The following SYNJ2 variants were observed in gnomAD, a reference collection of about 807,000 sequenced individuals.
The protein encoded by SYNJ2 is polyphosphatidylinositol phosphatase SYNJ2.
A neutral mutation model predicts 141.3 loss-of-function variants in SYNJ2; 116 were observed. The observed-to-expected ratio is 0.82, with a 90% CI of 0.71 to 0.96. The LOEUF is 0.96. SYNJ2 is among the 40% of genes least tolerant of loss of function. SYNJ2 has a pLI of 0.00. For synonymous variants in SYNJ2, 745 were observed against 777.7 expected (o/e 0.96, Z 0.70); for missense variants, 1,873 against 1,934.8 (o/e 0.97, Z 0.60).
In SYNJ2 at chr6:158,071,895, G is replaced by A; in HGVS notation, c.2133+101G>A. On this transcript the variant is annotated intron_variant, in intron 15 of 26. Transcript: ENST00000355585. This position sits in a 1 kb window ranked among gnomAD's most constrained non-coding sequence, Gnocchi z 4.3. ...GCACTGGGGACACAACCACAGGGAG[G>A]GCCCCTTCCTGGAGGGCTCAGCGCT... 7.3e-7 allele frequency: 1 copy of A among 1,378,764 alleles called. No homozygotes were observed. The highest frequency in any genetic ancestry group is 2.4e-5 in the East Asian group (1 of 41,510). The allele number at this position is 1,378,764 out of a possible 1,614,324, so 85.4% of individuals were successfully genotyped here.
chr6:158,043,176 G>A lies in SYNJ2; in HGVS notation c.712-140G>A. On this transcript the variant is annotated intron_variant, in intron 4 of 26. Coordinates refer to ENST00000355585, the MANE Select transcript of SYNJ2 (RefSeq NM_003898.4). This position sits in a 1 kb window ranked among gnomAD's most constrained non-coding sequence, Gnocchi z 4.0. ...GGTCAGGGCGCATTGCCGGATGGGGGAGCAGAGGACGCCGGAGTCCACCGT... is the reference window on the plus strand; with the variant it reads ...GGTCAGGGCGCATTGCCGGATGGGGAAGCAGAGGACGCCGGAGTCCACCGT... 1 of 669,474 alleles carries A rather than the reference G, an allele frequency of 1.5e-6. No individual in the cohort carries two copies. Among genetic ancestry groups the A allele is most frequent in the Non-Finnish European group, 2.6e-6 (1 of 384,528 alleles). 41.5% of individuals were successfully genotyped at this position (669,474 alleles called of 1,614,324 possible).
chr6:158,020,403 C>CCCCACCT (rs1554234073), intron 2 of SYNJ2, among the ~76,000 whole-genome samples: 1 of 146,916 alleles, frequency 6.8e-6, no homozygotes, highest in Admixed American at 6.7e-5. Context: ...TGACTTCAAC[C>CCCCACCT]GTGTGACCCC....
Position 158,070,652 on chromosome 6 carries a change from C to A in SYNJ2, c.1941-950C>A. 1 of 296,496 alleles carries A rather than the reference C, an allele frequency of 3.4e-6. No homozygotes were observed. Among genetic ancestry groups the A allele is most frequent in the Non-Finnish European group, 5.0e-6 (1 of 200,204 alleles). The allele number at this position is 296,496 out of a possible 1,614,324, so 18.4% of individuals were successfully genotyped here. On this transcript the variant is annotated intron_variant, in intron 14 of 26. Coordinates refer to ENST00000355585, the MANE Select transcript of SYNJ2 (RefSeq NM_003898.4). This position sits in a 1 kb window ranked among gnomAD's most constrained non-coding sequence, Gnocchi z 4.0. ...AGCCCTGAGCTGCTTCCGCCTACACCCCTTCCATCAGTCATCCCCCCAACC... is the reference window on the plus strand; with the variant it reads ...AGCCCTGAGCTGCTTCCGCCTACACACCTTCCATCAGTCATCCCCCCAACC...
intron 2 of SYNJ2, among the ~76,000 whole-genome samples, chr6:158,026,706 T>A (rs1289502713): frequency 6.6e-6 from 1 of 152,134 alleles, no homozygotes; most frequent in Non-Finnish European, 1.5e-5. Context: ...AGAAATCAGC[T>A]CATGACTCTC....
intron 25 of SYNJ2, among the ~76,000 whole-genome samples, chr6:158,091,859 C>G (rs1037634154): frequency 1.3e-5 from 2 of 151,932 alleles, no homozygotes; most frequent in African/African-American, 4.8e-5. Context: ...CATAGTGTAC[C>G]ATCCCCTTTT....
rs139026643 is a variant in SYNJ2 at position 158,066,532 on chromosome 6, C to A, written c.1614C>A (p.Asn538Lys). The change falls in exon 12 of 27, where the codon AAC (asparagine) becomes AAA (lysine). Residue 538 changes from asparagine to lysine, a missense_variant. Coordinates refer to ENST00000355585, the MANE Select transcript of SYNJ2 (RefSeq NM_003898.4). ...TCCGGATTGCTATGGGGACCTGGAA[C>A]GTGAACGGAGGAAAGCAGTTCCGGA... is the stretch of plus-strand genomic sequence containing the variant. ...KRIRIAMGTW[N>K]VNGGKQFRSN... 9.3e-6 allele frequency: 15 copies of A among 1,614,060 alleles called. No individual in the cohort carries two copies. Among genetic ancestry groups the A allele is most frequent in the Admixed American group, 3.3e-5 (2 of 59,996 alleles).
At position 158,064,889 on chromosome 6, in the gene SYNJ2, G is replaced by T. The variant is rs758232865; in HGVS notation, c.1423G>T (p.Gly475Trp). 6.2e-7 allele frequency: 1 copy of T among 1,613,784 alleles called. No homozygotes were observed. The highest frequency in any genetic ancestry group is 8.5e-7 in the Non-Finnish European group (1 of 1,179,886). ...SRTIQSNFFD[G>W]VKQEAIKLLL... ...AACCATCCAGTCCAACTTCTTCGAC[G>T]GGGTGAAGCAGGAGGCCATCAAGCT... Residue 475 changes from glycine to tryptophan, a missense_variant, in exon 11 of 27, where the codon GGG becomes TGG. Gly to Trp is a radical substitution (Grantham distance 184). Coordinates refer to ENST00000355585, the MANE Select transcript of SYNJ2 (RefSeq NM_003898.4).
chr6:158,064,759 C>A lies in SYNJ2; in HGVS notation c.1359+9C>A, dbSNP rs1781452817. The A allele has an allele frequency of 6.2e-7, 1 of 1,613,170 alleles. No individual in the cohort carries two copies. Among genetic ancestry groups the A allele is most frequent in the Non-Finnish European group, 8.5e-7 (1 of 1,179,750 alleles). On this transcript the variant is annotated intron_variant, in intron 10 of 26. Coordinates refer to ENST00000355585, the MANE Select transcript of SYNJ2 (RefSeq NM_003898.4). Reference sequence around the variant, plus strand: ...TGGAAGGGAAGGCCAAGGTAGGGCCCCGCCGAGGGGGCAGGGTGGGGGCCC... The same window carrying A: ...TGGAAGGGAAGGCCAAGGTAGGGCCACGCCGAGGGGGCAGGGTGGGGGCCC...
intron 20 of SYNJ2, among the ~76,000 whole-genome samples, chr6:158,081,801 T>C (rs1237203627): frequency 2.6e-5 from 4 of 151,644 alleles, no homozygotes; most frequent in African/African-American, 9.7e-5. Flanking sequence ...TTTTTTAAAT[T>C]TTGTAGAGAG....
At position 158,017,705 on chromosome 6, in the gene SYNJ2, G is replaced by A. The variant is rs368125431; in HGVS notation, c.214+415G>A. On this transcript the variant is annotated intron_variant, in intron 2 of 26. Transcript: ENST00000355585. Reference sequence around the variant, plus strand: ...GCTGGGATTACAGCCATGAGCCGCCGTGCCTGGCCGACCTCTCTTCTCTTT... The same window carrying A: ...GCTGGGATTACAGCCATGAGCCGCCATGCCTGGCCGACCTCTCTTCTCTTT... 4.2e-5 allele frequency: 22 copies of A among 520,686 alleles called. 1 individual carries two copies. The East Asian group carries it at 6.2e-4, about 15-fold the overall frequency. The allele number at this position is 520,686 out of a possible 1,614,324, so 32.3% of individuals were successfully genotyped here. A position where few individuals can be genotyped will look rare whatever the true frequency, so the allele number is the denominator to read the frequency against.
chr6:158,004,793 A>G (rs968546085), intron 1 of SYNJ2, among the ~76,000 whole-genome samples: 3 of 151,898 alleles, frequency 2.0e-5, no homozygotes, highest in African/African-American at 4.8e-5. Flanking sequence ...TGCGTCCCTC[A>G]CTGCCCCTCG....
rs781414414 is a variant in SYNJ2 at position 158,043,293 on chromosome 6, C to T, written c.712-23C>T. 2.5e-6 allele frequency: 4 copies of T among 1,610,186 alleles called. No individual in the cohort carries two copies. In the African/African-American group the frequency reaches 5.3e-5, roughly 22 times the overall value. ...CGGTTTCATTGAAGAATACCTTTCCCTTTCTGTTTCCTTGTGCCGCAGATG... is the reference window on the plus strand; with the variant it reads ...CGGTTTCATTGAAGAATACCTTTCCTTTTCTGTTTCCTTGTGCCGCAGATG... On this transcript the variant is annotated intron_variant, in intron 4 of 26. Coordinates refer to ENST00000355585, the MANE Select transcript of SYNJ2 (RefSeq NM_003898.4). This position sits in a 1 kb window ranked among gnomAD's most constrained non-coding sequence, Gnocchi z 4.0.
At chr6:158,058,945 C>G (rs1781035495) in intron 6 of SYNJ2, among the ~76,000 whole-genome samples, 2 of 152,192 alleles carry the variant, frequency 1.3e-5, no homozygotes, top group African/African-American at 2.4e-5. Flanking sequence ...AAACAAAATT[C>G]TCTTGATGAA....
rs776126145 is a variant in SYNJ2 at position 158,069,710 on chromosome 6, G to A, written c.1940+37G>A. The A allele has an allele frequency of 1.9e-6, 3 of 1,564,766 alleles. No individual in the cohort carries two copies. In the Admixed American group the frequency reaches 5.3e-5, roughly 28 times the overall value. On this transcript the variant is annotated intron_variant, in intron 14 of 26. Transcript: ENST00000355585. ...CTGTTTACACACATCTGGGGAACAA[G>A]GGGTTGTTAGTCTTTGTGTTTTGTT...
At chr6:158,068,832 C>A in intron 13 of SYNJ2, 104 bp downstream of exon 13, 1 of 1,253,544 alleles carries the variant, frequency 8.0e-7, no homozygotes, top group Non-Finnish European at 1.2e-6. Context: ...GCTTCTGAGC[C>A]AGCTAAGCTG....
At chr6:158,088,284 G>A (rs1783211205) in intron 23 of SYNJ2, among the ~76,000 whole-genome samples, 2 of 151,502 alleles carry the variant, frequency 1.3e-5, no homozygotes, top group Admixed American at 1.3e-4. Flanking sequence ...TGCCCAGGCT[G>A]GGGTTTTTGA....
chr6:158,064,169 C>T (rs1310078115), intron 9 of SYNJ2, among the ~76,000 whole-genome samples: 2 of 152,202 alleles, frequency 1.3e-5, no homozygotes, highest in Non-Finnish European at 2.9e-5. Flanking sequence ...CGTGGATGCA[C>T]CATTGGCCAA....
At chr6:158,093,830 C>G in intron 26 of SYNJ2, 1 of 749,672 alleles carries the variant, frequency 1.3e-6, no homozygotes, top group Non-Finnish European at 2.4e-6. Context: ...TTCACATGCT[C>G]TCGTGCGGCC....
chr6:157,989,811 C>G (rs571674281), intron 1 of SYNJ2, among the ~76,000 whole-genome samples: 3 of 152,146 alleles, frequency 2.0e-5, no homozygotes, highest in South Asian at 2.1e-4. Context: ...TAGACTGGGT[C>G]GGCTCCAAGA....
Sources: allele counts gnomAD v4.1 joint callset (sites outside exome capture counted in the v4.1 genomes callset), GRCh38; gene constraint gnomAD v4.1.1; non-coding constraint Gnocchi (gnomAD v3.1); transcripts MANE v1.5; gene names NCBI Gene and HGNC (gene_info 2026-07-23, HGNC 2026-07-21).